Variants in USP30 observed in about 807,000 individuals in gnomAD.
The protein encoded by USP30 is ubiquitin carboxyl-terminal hydrolase 30.
Under a neutral mutation model 68.2 loss-of-function variants are expected in USP30, and 41 were observed. The ratio of observed to expected loss-of-function variants is 0.60; its 90% CI spans 0.47 to 0.78. The LOEUF is 0.78. Among genes scored for constraint, USP30 ranks in the 30% least tolerant of loss-of-function variants. USP30 has a pLI of 0.00. For synonymous variants in USP30, 229 were observed against 253.7 expected (o/e 0.90, Z 0.93); for missense variants, 522 against 649.4 (o/e 0.80, Z 2.13).
At chr12:109,031,043 A>G (rs2040477069) in intron 3 of USP30, among the ~76,000 whole-genome samples, 2 of 152,220 alleles carry the variant, frequency 1.3e-5, no homozygotes, top group South Asian at 4.1e-4. Flanking sequence ...CTGTCTTTAC[A>G]ACTCTCCTGT....
intron 5 of USP30, among the ~76,000 whole-genome samples, chr12:109,072,070 A>T (rs181704515): frequency 9.2e-5 from 14 of 152,228 alleles, no homozygotes; most frequent in African/African-American, 3.4e-4. Flanking sequence ...ACCAGTAAGG[A>T]TGAAAATATT....
At chr12:109,026,234 C>G (rs1177352831) in intron 2 of USP30, among the ~76,000 whole-genome samples, 2 of 151,910 alleles carry the variant, frequency 1.3e-5, no homozygotes, top group Admixed American at 6.6e-5. Context: ...TGCCATCACA[C>G]CTTGCTAATT....
intron 1 of USP30, among the ~76,000 whole-genome samples, chr12:109,056,045 C>T (rs138327076): frequency 1.7e-4 from 26 of 152,180 alleles, no homozygotes; most frequent in South Asian, 6.2e-4. Context: ...GCAGTGCAAA[C>T]GCCTTGAGGT....
At chr12:109,072,497 A>G in intron 6 of USP30, 147 bp downstream of exon 6, 1 of 731,198 alleles carries the variant, frequency 1.4e-6, no homozygotes, top group Non-Finnish European at 2.3e-6. Context: ...GTATTTTGGA[A>G]ATAGCTTTAA....
At chr12:109,036,249 T>C (rs530358137) in intron 3 of USP30, among the ~76,000 whole-genome samples, 1 of 152,336 alleles carries the variant, frequency 6.6e-6, no homozygotes, top group South Asian at 2.1e-4. Context: ...TGGGTTTGAA[T>C]TACTGTTAGT....
At position 109,052,620 on chromosome 12, in the gene USP30, T is replaced by TA; in HGVS notation, c.-59_-58insA. The TA allele has an allele frequency of 1.1e-6, 1 of 881,968 alleles. No individual in the cohort carries two copies. The highest frequency in any genetic ancestry group is 1.9e-5 in the South Asian group (1 of 52,676). 54.6% of individuals were successfully genotyped at this position (881,968 alleles called of 1,614,324 possible). ...TCTCGGGAACCGTCGTATCCCTCGG[T>TA]CCGGCGGCGGCGGCGGCGGTAGCGG... On this transcript the variant is annotated 5_prime_UTR_variant, in exon 1 of 13. Transcript: ENST00000257548.
intron 3 of USP30, among the ~76,000 whole-genome samples, chr12:109,037,333 C>G (rs1172385162): frequency 6.6e-6 from 1 of 152,070 alleles, no homozygotes; most frequent in Non-Finnish European, 1.5e-5. Flanking sequence ...CATTCTTTCC[C>G]TTAGATCTTT....
In USP30 at chr12:109,086,006, C is replaced by G; in HGVS notation, c.*75C>G. ...GGAAAAAAGTAAAACTGTACTGTTG[C>G]GTGTGCAAGCGGCCCCACTAGAGCC... On this transcript the variant is annotated 3_prime_UTR_variant, in exon 13 of 13. Coordinates refer to ENST00000257548, the MANE Select transcript of USP30 (RefSeq NM_032663.5). The G allele has an allele frequency of 6.0e-6, 9 of 1,500,786 alleles. No homozygotes were observed. The highest frequency in any genetic ancestry group is 8.0e-6 in the Non-Finnish European group (9 of 1,121,182). The allele number at this position is 1,500,786 out of a possible 1,614,324, so 93.0% of individuals were successfully genotyped here.
intron 7 of USP30, among the ~76,000 whole-genome samples, chr12:109,080,226 T>A (rs1335005063): frequency 6.6e-6 from 1 of 152,160 alleles, no homozygotes; most frequent in African/African-American, 2.4e-5. Flanking sequence ...CCCTGGTCTC[T>A]CCACCAGCCC....
intron 3 of USP30, among the ~76,000 whole-genome samples, chr12:109,059,219 A>G (rs1037308108): frequency 1.3e-5 from 2 of 152,168 alleles, no homozygotes; most frequent in African/African-American, 4.8e-5. Flanking sequence ...TTTGAGACAG[A>G]GTCTCACCTT....
chr12:109,041,055 T>C (rs1566077727), intron 3 of USP30, among the ~76,000 whole-genome samples: 1 of 152,232 alleles, frequency 6.6e-6, no homozygotes, highest in Non-Finnish European at 1.5e-5. Flanking sequence ...ATTTAAACTC[T>C]CAGGTCCTCT....
Position 109,083,310 on chromosome 12 carries a change from T to A in USP30, c.1168+248T>A, listed in dbSNP as rs146581765. Among the ~76,000 whole-genome samples the A allele has an allele frequency of 9.8e-5, 15 of 152,326 alleles. No homozygotes were observed. In the East Asian group the frequency reaches 2.9e-3, roughly 29 times the overall value. On this transcript the variant is annotated intron_variant, in intron 11 of 12. Coordinates refer to ENST00000257548, the MANE Select transcript of USP30 (RefSeq NM_032663.5). The stretch of plus-strand genomic sequence containing the variant: ...ATGAAAAAGTACAGAGAGAAACGCT[T>A]AAAATTGCAGCTTTGCCTTCTAATT...
At chr12:109,075,708 G>T (rs780186258) in intron 7 of USP30, among the ~76,000 whole-genome samples, 8 of 152,018 alleles carry the variant, frequency 5.3e-5, no homozygotes, top group Admixed American at 5.2e-4. Context: ...AGCTCTTTAT[G>T]GTTTTATTTG....
chr12:109,050,619 C>T (rs2040651559), upstream of USP30, among the ~76,000 whole-genome samples: 1 of 152,184 alleles, frequency 6.6e-6, no homozygotes, highest in Non-Finnish European at 1.5e-5. Flanking sequence ...GCTTTATAAA[C>T]TGTGCTGTCC....
chr12:109,083,553 AT>A (rs1412174182), intron 11 of USP30, among the ~76,000 whole-genome samples: 3 of 152,132 alleles, frequency 2.0e-5, no homozygotes, highest in Non-Finnish European at 4.4e-5. Context: ...GGTAGCTATT[AT>A]CGCCGGTCTT....
At chr12:109,066,933 T>A (rs1392764443) in intron 3 of USP30, among the ~76,000 whole-genome samples, 1 of 152,120 alleles carries the variant, frequency 6.6e-6, no homozygotes, top group Non-Finnish European at 1.5e-5. Flanking sequence ...AAATTTATAT[T>A]GATGATGATA....
intron 1 of USP30, among the ~76,000 whole-genome samples, chr12:109,055,546 C>T (rs993425641): frequency 6.8e-6 from 1 of 147,058 alleles, no homozygotes; most frequent in East Asian, 2.0e-4. Flanking sequence ...ATTACAGGCA[C>T]CTGCCACCAC....
At chr12:109,081,744 A>G in intron 8 of USP30, 189 bp from the exon 9 acceptor site, 1 of 628,888 alleles carries the variant, frequency 1.6e-6, no homozygotes, top group South Asian at 1.9e-5. Context: ...ATGCTCTAGA[A>G]TCTGTCCGTA....
At chr12:109,039,918 C>A (rs1459036760) in intron 3 of USP30, among the ~76,000 whole-genome samples, 1 of 152,066 alleles carries the variant, frequency 6.6e-6, no homozygotes, top group Non-Finnish European at 1.5e-5. Context: ...CAGCCATTTT[C>A]TTTCTTTCTC....
Sources: gnomAD v4.1 joint callset for allele counts (sites outside exome capture counted in the v4.1 genomes callset) on GRCh38, gnomAD v4.1.1 for gene constraint, MANE v1.5 for transcripts, NCBI Gene and HGNC (gene_info 2026-07-23, HGNC 2026-07-21) for gene names.